The following AGMO variants were observed in gnomAD, a reference collection of about 807,000 sequenced individuals.
AGMO encodes the protein alkylglycerol monooxygenase, also known as glyceryl-ether monooxygenase.
Under a neutral mutation model 60.2 loss-of-function variants are expected in AGMO, and 75 were observed. The observed-to-expected ratio is 1.25, with a 90% confidence interval of 1.03 to 1.51. The LOEUF is 1.51. Among genes scored for constraint, AGMO ranks in the 40% most tolerant of loss-of-function variants. The pLI is 0.00. For synonymous variants in AGMO, 261 were observed against 177.1 expected, an observed-to-expected ratio of 1.47 and a Z score of -3.76; for missense variants, 763 against 525.5, an observed-to-expected ratio of 1.45 and a Z score of -4.42.
At chr7:15,315,096 T>C (rs1780877906) in intron 12 of AGMO, among the ~76,000 whole-genome samples, 1 of 151,930 alleles carries the variant, frequency 6.6e-6, no homozygotes. Context: ...GAGCTTGGAG[T>C]GAACCTTGAT....
chr7:15,558,590 A>T (rs568339144), intron 2 of AGMO, among the ~76,000 whole-genome samples: 73 of 152,198 alleles, frequency 4.8e-4, no homozygotes, highest in African/African-American at 1.4e-3. Context: ...ATTCATGATA[A>T]TCTGGGAATT....
At chr7:15,469,811 A>T (rs1433437540) in intron 3 of AGMO, among the ~76,000 whole-genome samples, 1 of 152,108 alleles carries the variant, frequency 6.6e-6, no homozygotes, top group East Asian at 1.9e-4. Context: ...GGGCTAGGAG[A>T]TATCTAGGAA....
At chr7:15,429,421 T>G (rs1781165253) in intron 4 of AGMO, among the ~76,000 whole-genome samples, 1 of 151,968 alleles carries the variant, frequency 6.6e-6, no homozygotes, top group African/African-American at 2.4e-5. Flanking sequence ...AGAATTACGT[T>G]GTCACAAGCC....
intron 10 of AGMO, among the ~76,000 whole-genome samples, chr7:15,385,173 T>C (rs1204126862): frequency 6.6e-6 from 1 of 152,210 alleles, no homozygotes; most frequent in Non-Finnish European, 1.5e-5. Context: ...TGTTTTAAAA[T>C]TTGTTTATGG....
At chr7:15,432,379 T>TATATATATATATATATATATATATAC (rs373845365) in intron 3 of AGMO, among the ~76,000 whole-genome samples, 91 of 136,158 alleles carry the variant, frequency 6.7e-4, no homozygotes, top group South Asian at 1.9e-3. Context: ...CATATATATA[T>TATATATATATATATATATATATATAC]ACACTATCTG....
At chr7:15,165,284 T>C in the AGMO span, among the ~76,000 whole-genome samples, 5 of 152,074 alleles carry the variant, frequency 3.3e-5, no homozygotes, top group Non-Finnish European at 7.4e-5. Context: ...GGGTACAGTG[T>C]TCACTATTCA....
the AGMO span, among the ~76,000 whole-genome samples, chr7:15,172,645 C>T: frequency 1.3e-5 from 2 of 152,088 alleles, no homozygotes; most frequent in African/African-American, 4.8e-5. Context: ...AAGAGTTCCT[C>T]AAACTCCAGT....
At chr7:15,190,685 C>T in the AGMO span, among the ~76,000 whole-genome samples, 1 of 152,058 alleles carries the variant, frequency 6.6e-6, no homozygotes, top group African/African-American at 2.4e-5. Flanking sequence ...CTTATTAATT[C>T]ATTACCAACG....
At chr7:15,196,086 G>A (rs10271069), downstream of AGMO, among the ~76,000 whole-genome samples, 26,948 of 150,852 alleles carry the variant, frequency 0.18, 2,758 homozygotes, top group South Asian at 0.31. Context: ...CTCTGTCACC[G>A]GGCTGGAATG....
chr7:15,288,995 G>C (rs1583367872), intron 12 of AGMO, among the ~76,000 whole-genome samples: 2 of 151,772 alleles, frequency 1.3e-5, no homozygotes, highest in East Asian at 3.9e-4. Flanking sequence ...GTGTGCTGTT[G>C]TTCTATTACC....
intron 12 of AGMO, among the ~76,000 whole-genome samples, chr7:15,310,454 A>C (rs371446133): frequency 6.6e-4 from 100 of 152,300 alleles, no homozygotes; most frequent in African/African-American, 2.3e-3. Flanking sequence ...ATCTGGATTT[A>C]AGGTAAGGAG....
At chr7:15,255,508 C>T (rs2128507833) in intron 12 of AGMO, among the ~76,000 whole-genome samples, 1 of 147,734 alleles carries the variant, frequency 6.8e-6, no homozygotes, top group Non-Finnish European at 1.5e-5. Context: ...GCCAGCATTG[C>T]CTGTCTCCAA....
intron 10 of AGMO, among the ~76,000 whole-genome samples, chr7:15,376,742 T>G (rs1388811426): frequency 6.6e-6 from 1 of 152,074 alleles, no homozygotes; most frequent in African/African-American, 2.4e-5. Context: ...TTCCAACATG[T>G]ACTCATGATA....
intron 3 of AGMO, among the ~76,000 whole-genome samples, chr7:15,493,865 G>A (rs1180947649): frequency 6.6e-6 from 1 of 151,970 alleles, no homozygotes; most frequent in South Asian, 2.1e-4. Flanking sequence ...TTGTTAATTT[G>A]TGGGAGTACA....
intron 12 of AGMO, chr7:15,306,390 A>G: frequency 2.7e-6 from 1 of 367,236 alleles, no homozygotes; most frequent in Non-Finnish European, 5.5e-6. Flanking sequence ...CAAAATCTTT[A>G]TTATTTTCAA....
chr7:15,164,611 G>A, the AGMO span, among the ~76,000 whole-genome samples: 93,676 of 151,682 alleles, frequency 0.62, 29,323 homozygotes, highest in East Asian at 0.73. Flanking sequence ...GCCAACAAAC[G>A]TATGAAAAAA....
the AGMO span, among the ~76,000 whole-genome samples, chr7:15,123,681 A>G: frequency 6.6e-6 from 1 of 152,208 alleles, no homozygotes; most frequent in South Asian, 2.1e-4. Context: ...CATAAGATAA[A>G]TTAGAAATCA....
chr7:15,392,627 C>A lies in AGMO; in HGVS notation c.676+1486G>T, dbSNP rs143122481. 2.2e-3 allele frequency among the ~76,000 whole-genome samples: 329 copies of A among 152,046 alleles called. 2 individuals are homozygous for A. Among genetic ancestry groups the A allele is most frequent in the African/African-American group, 7.6e-3 (314 of 41,466 alleles). On this transcript the variant is annotated intron_variant, in intron 6 of 12. Transcript: ENST00000342526. ...CAGCCTGACCAACATGGTGAAACTC[C>A]ATCTCTACTAAAAATACAAAAATTA...
intron 12 of AGMO, among the ~76,000 whole-genome samples, chr7:15,345,317 A>G (rs772009113): frequency 3.9e-5 from 6 of 152,152 alleles, no homozygotes; most frequent in Non-Finnish European, 7.3e-5. Flanking sequence ...TCAGTTCCCC[A>G]ACATGGTAAG....
Sources: gnomAD v4.1 joint callset for allele counts (sites outside exome capture counted in the v4.1 genomes callset) on GRCh38, gnomAD v4.1.1 for gene constraint, MANE v1.5 for transcripts, NCBI Gene and HGNC (gene_info 2026-07-23, HGNC 2026-07-21) for gene names.